The following FAM78B variants were observed in gnomAD, a reference collection of about 807,000 sequenced individuals.
The protein encoded by FAM78B is family with sequence similarity 78 member B.
A neutral mutation model predicts 20.0 loss-of-function variants in FAM78B; 10 were observed. The ratio of observed to expected loss-of-function variants is 0.50; its 90% confidence interval spans 0.31 to 0.85. FAM78B has a LOEUF of 0.85. Ranked by LOEUF, FAM78B falls within the 40% of genes least tolerant of loss-of-function variation. FAM78B has a pLI of 0.05. For synonymous variants in FAM78B, 135 were observed against 132.8 expected (o/e 1.02, Z -0.12); for missense variants, 283 against 345.0 (o/e 0.82, Z 1.42).
intron 1 of FAM78B, among the ~76,000 whole-genome samples, chr1:166,157,025 G>A (rs1249262401): frequency 4.3e-5 from 1 of 23,510 alleles, no homozygotes; most frequent in African/African-American, 1.0e-4. Flanking sequence ...ATGACGTCAA[G>A]GGGGCGGCGG....
intron 1 of FAM78B, among the ~76,000 whole-genome samples, chr1:166,155,304 C>A (rs894519863): frequency 5.3e-5 from 8 of 152,208 alleles, no homozygotes; most frequent in Non-Finnish European, 8.8e-5. Context: ...TTAGTTTGAC[C>A]TGCTTTCTAA....
chr1:166,060,519 G>C (rs549421057), exon 3 of FAM78B: 6 of 1,008,836 alleles, frequency 5.9e-6, no homozygotes, highest in Non-Finnish European at 8.2e-6. Context: ...AAGGCGAGGA[G>C]GTAGGCAGGA....
chr1:166,155,667 G>A (rs774933781), intron 1 of FAM78B, among the ~76,000 whole-genome samples: 36 of 152,194 alleles, frequency 2.4e-4, no homozygotes, highest in Middle Eastern at 3.2e-3. Context: ...AAGATGGTTC[G>A]TGGAAGCTTG....
At chr1:166,155,634 A>G (rs1393301677) in intron 1 of FAM78B, among the ~76,000 whole-genome samples, 1 of 152,130 alleles carries the variant, frequency 6.6e-6, no homozygotes, top group Non-Finnish European at 1.5e-5. Context: ...GGCACAAATC[A>G]CTCATCCTTC....
In FAM78B at chr1:166,106,920, T is replaced by C. The variant is rs181818412; in HGVS notation, c.264-36157A>G. 6.6e-5 allele frequency among the ~76,000 whole-genome samples: 10 copies of C among 151,538 alleles called. No individual in the cohort carries two copies. In the East Asian group the frequency reaches 9.7e-4, roughly 15 times the overall value. The stretch of plus-strand genomic sequence containing the variant: ...AAAAACTTTCATCAATAAAAACATA[T>C]ACAAAAGTAAAAAAAAAAATCTTTG... On this transcript the variant is annotated intron_variant, in intron 1 of 1. Transcript: ENST00000354422.
intron 1 of FAM78B, chr1:166,154,882 C>A (rs1229823043): frequency 4.3e-6 from 2 of 469,750 alleles, no homozygotes; most frequent in Admixed American, 2.4e-5. Context: ...ACCATCCTAA[C>A]ACCCTGTAAG....
chr1:166,112,325 C>A (rs968366392), intron 1 of FAM78B, among the ~76,000 whole-genome samples: 2 of 152,034 alleles, frequency 1.3e-5, no homozygotes, highest in African/African-American at 2.4e-5. Flanking sequence ...TCTATGAAGC[C>A]CAGCCGTTTT....
Position 166,060,849 on chromosome 1 carries a change from T to G in FAM78B, c.*410-186A>C, listed in dbSNP as rs867200113. ...CATATGCACTTCTCTATAAAGAATA[T>G]ATAACTTTCATATGGTTATTTTAAA... On this transcript the variant is annotated intron_variant and NMD_transcript_variant, in intron 2 of 2. Coordinates refer to the FAM78B transcript ENST00000435676. 1.8e-3 allele frequency among the ~76,000 whole-genome samples: 270 copies of G among 152,334 alleles called. 2 individuals are homozygous for G. The highest frequency in any genetic ancestry group is 6.1e-3 in the African/African-American group (255 of 41,570).
chr1:166,145,023 A>G (rs928131562), intron 1 of FAM78B, among the ~76,000 whole-genome samples: 2 of 152,180 alleles, frequency 1.3e-5, no homozygotes, highest in Non-Finnish European at 2.9e-5. Flanking sequence ...TAAAGGATAC[A>G]TCAGTCCCCA....
chr1:166,059,352 G>T (rs1029554335), exon 3 of FAM78B: 1 of 152,496 alleles, frequency 6.6e-6, no homozygotes, highest in Non-Finnish European at 1.5e-5. Context: ...AAGTAGAGAT[G>T]AAAGAATCTG....
intron 1 of FAM78B, among the ~76,000 whole-genome samples, chr1:166,083,662 G>A (rs564097640): frequency 8.1e-4 from 123 of 152,204 alleles, no homozygotes; most frequent in African/African-American, 2.4e-3. Flanking sequence ...GTGCCACCAC[G>A]CCCAGCTGAT....
At chr1:166,105,899 A>G (rs561177927) in intron 1 of FAM78B, among the ~76,000 whole-genome samples, 1 of 151,896 alleles carries the variant, frequency 6.6e-6, no homozygotes, top group South Asian at 2.1e-4. Context: ...ATAAAGACAC[A>G]TGCACACGTA....
chr1:166,162,777 TCTC>T (rs1371418300), intron 1 of FAM78B, among the ~76,000 whole-genome samples: 1 of 152,108 alleles, frequency 6.6e-6, no homozygotes, highest in African/African-American at 2.4e-5. Flanking sequence ...TCAAACCTCA[TCTC>T]CTACTGTTCT....
intron 1 of FAM78B, among the ~76,000 whole-genome samples, chr1:166,109,831 TG>T (rs1219485754): frequency 5.8e-5 from 1 of 17,176 alleles, no homozygotes; most frequent in Non-Finnish European, 1.1e-4. Flanking sequence ...TATATATATA[TG>T]TATATATGTA....
chr1:166,137,953 G>A (rs970987454), intron 1 of FAM78B, among the ~76,000 whole-genome samples: 3 of 152,192 alleles, frequency 2.0e-5, no homozygotes, highest in East Asian at 3.9e-4. Flanking sequence ...TCTCAGGCAT[G>A]TCTCAGAACA....
chr1:166,078,454 A>C (rs1652423230), intron 1 of FAM78B, among the ~76,000 whole-genome samples: 1 of 152,234 alleles, frequency 6.6e-6, no homozygotes, highest in Admixed American at 6.5e-5. Flanking sequence ...GGACTTGCCA[A>C]TGGGCCTAAT....
chr1:166,152,892 G>C (rs937544940), intron 1 of FAM78B, among the ~76,000 whole-genome samples: 3 of 152,126 alleles, frequency 2.0e-5, no homozygotes, highest in Non-Finnish European at 4.4e-5. Context: ...TGGCCAGGAT[G>C]GTCTCGATTT....
chr1:166,076,314 C>G (rs1303313015), intron 1 of FAM78B, among the ~76,000 whole-genome samples: 3 of 152,184 alleles, frequency 2.0e-5, no homozygotes, highest in African/African-American at 7.2e-5. Flanking sequence ...CTTGCCCATT[C>G]TGGCCTCTGT....
intron 1 of FAM78B, among the ~76,000 whole-genome samples, chr1:166,122,942 C>T (rs181599918): frequency 2.6e-5 from 4 of 152,122 alleles, no homozygotes; most frequent in Admixed American, 2.0e-4. Context: ...ATGAGGGAAA[C>T]GTGGTCCGGC....
Sources: allele counts gnomAD v4.1 joint callset (sites outside exome capture counted in the v4.1 genomes callset), GRCh38; gene constraint gnomAD v4.1.1; transcripts MANE v1.5; gene names NCBI Gene and HGNC (gene_info 2026-07-23, HGNC 2026-07-21).